Variants in CNNM1 observed in about 807,000 individuals in gnomAD.
The protein encoded by CNNM1 is cyclin and CBS domain divalent metal cation transport mediator 1, also known as metal transporter CNNM1.
A neutral mutation model predicts 78.8 loss-of-function variants in CNNM1; 44 were observed. The observed-to-expected ratio is 0.56, with a 90% CI of 0.44 to 0.72. The LOEUF (loss-of-function observed/expected upper bound fraction) is 0.72, where lower values mean the gene tolerates loss of function less well. Among genes scored for constraint, CNNM1 ranks in the 30% least tolerant of loss-of-function variants. The pLI, the probability that CNNM1 is intolerant of heterozygous loss-of-function variation, is 0.00. For missense variants in CNNM1, 1,101 were observed against 1,292.2 expected, an observed-to-expected ratio of 0.85 and a Z score of 2.27; for synonymous variants, 584 against 581.5, an observed-to-expected ratio of 1.00 and a Z score of -0.06.
In CNNM1 at chr10:99,388,267, C is replaced by T; in HGVS notation, c.2640C>T (p.Leu880=). 6.2e-7 allele frequency: 1 copy of T among 1,613,842 alleles called. No individual in the cohort carries two copies. Among genetic ancestry groups the T allele is most frequent in the Non-Finnish European group, 8.5e-7 (1 of 1,179,850 alleles). ...TCGAGGAGCACAGCACACAGCAGCT[C>T]ACGCTGTCTCCTGCAGCCGTTCCCA... ...TDFEEHSTQQ[L]TLSPAAVPTR... Residue 880 remains leucine (L), a synonymous_variant, in exon 9 of 11, where the codon CTC becomes CTT. Coordinates refer to ENST00000356713, the MANE Select transcript of CNNM1 (RefSeq NM_020348.3).
chr10:99,374,491 C>G (rs982278701), intron 6 of CNNM1, among the ~76,000 whole-genome samples: 1 of 152,194 alleles, frequency 6.6e-6, no homozygotes, highest in African/African-American at 2.4e-5. Flanking sequence ...AGCCACATTT[C>G]TGGAGTGTCT....
intron 6 of CNNM1, among the ~76,000 whole-genome samples, chr10:99,374,754 GAGTA>G (rs1490628690): frequency 6.6e-6 from 1 of 152,166 alleles, no homozygotes; most frequent in Non-Finnish European, 1.5e-5. Context: ...TGTTTTCCTT[GAGTA>G]CCTTCTCTAG....
At chr10:99,383,344 A>G (rs1308718380) in intron 7 of CNNM1, among the ~76,000 whole-genome samples, 2 of 151,972 alleles carry the variant, frequency 1.3e-5, no homozygotes, top group Non-Finnish European at 2.9e-5. Context: ...AACTCAGTGA[A>G]CTCACTGCAA....
rs190091140 is a variant in CNNM1, at chr10:99,349,904, C to T, written c.1574-7608C>T. 3.9e-5 allele frequency among the ~76,000 whole-genome samples: 6 copies of T among 152,240 alleles called. No homozygotes were observed. In the East Asian group the frequency reaches 1.2e-3, roughly 29 times the overall value. ...GTCCCAGCTACTCGGGAGGCTGAGG[C>T]AGGAGAATTGCTTGAACCCGAGAGG... On this transcript the variant is annotated intron_variant, in intron 1 of 10. Transcript: ENST00000356713.
intron 7 of CNNM1, among the ~76,000 whole-genome samples, chr10:99,382,487 G>A (rs376921997): frequency 6.6e-6 from 1 of 152,166 alleles, no homozygotes; most frequent in Non-Finnish European, 1.5e-5. Context: ...AGGAGGCCAG[G>A]TGCAGTGGCT....
chr10:99,366,691 T>G (rs1356849613), intron 6 of CNNM1, among the ~76,000 whole-genome samples: 1 of 151,924 alleles, frequency 6.6e-6, no homozygotes, highest in Non-Finnish European at 1.5e-5. Context: ...CTGAGGCAGG[T>G]GAATCACTTG....
chr10:99,361,025 G>A lies in CNNM1; in HGVS notation c.1858+50G>A, dbSNP rs748902941. On this transcript the variant is annotated intron_variant, in intron 3 of 10. Coordinates refer to ENST00000356713, the MANE Select transcript of CNNM1 (RefSeq NM_020348.3). ...AAGCTAAAACAGAATCTCTAGGGTG[G>A]GACCCAGGCACCAATCGTTGTTAAT... The A allele has an allele frequency of 4.6e-6, 7 of 1,531,162 alleles. 1 individual carries two copies. The highest frequency in any genetic ancestry group is 2.7e-6 in the Non-Finnish European group (3 of 1,130,692). 94.8% of individuals were successfully genotyped at this position (1,531,162 alleles called of 1,614,324 possible). A position where few individuals can be genotyped will look rare whatever the true frequency, so the allele number is the denominator to read the frequency against.
intron 1 of CNNM1, among the ~76,000 whole-genome samples, chr10:99,337,379 C>G (rs1400427533): frequency 6.6e-6 from 1 of 152,218 alleles, no homozygotes; most frequent in Non-Finnish European, 1.5e-5. Context: ...CCCCTCCAGC[C>G]TCATCGCTCA....
intron 2 of CNNM1, among the ~76,000 whole-genome samples, chr10:99,359,935 A>C (rs904482500): frequency 6.0e-5 from 9 of 151,194 alleles, no homozygotes; most frequent in East Asian, 1.9e-4. Flanking sequence ...AAAAAAAAAA[A>C]ACAAAAAAAA....
chr10:99,368,599 T>C, intron 6 of CNNM1: 3 of 1,289,128 alleles, frequency 2.3e-6, no homozygotes, highest in Non-Finnish European at 3.0e-6. Flanking sequence ...TCACAAATCC[T>C]TGGCCCCTGA....
At chr10:99,348,217 A>T (rs1385373605) in intron 1 of CNNM1, among the ~76,000 whole-genome samples, 1 of 151,768 alleles carries the variant, frequency 6.6e-6, no homozygotes, top group Non-Finnish European at 1.5e-5. Context: ...TAAATTTTTT[A>T]AAATTTTTTG....
chr10:99,332,157 A>G (rs1471999982), intron 1 of CNNM1, among the ~76,000 whole-genome samples: 1 of 152,204 alleles, frequency 6.6e-6, no homozygotes, highest in Non-Finnish European at 1.5e-5. Context: ...GTCAACACTG[A>G]GAGCATTCAA....
rs766405339 is a variant in CNNM1 at position 99,330,281 on chromosome 10, T to C, written c.894T>C (p.Ala298=). The change falls in exon 1 of 11, where the codon GCT becomes GCC. Residue 298 remains alanine (A), a synonymous_variant. Transcript: ENST00000356713. The stretch of plus-strand genomic sequence containing the variant: ...AAGCCGGAGCCAACGCGGCCCTGGC[T>C]GGCTGGCTGTACACCTCGCTGCCGC... ...LGQAGANAAL[A]GWLYTSLPPG... is the part of the protein sequence containing the mutation. The C allele has an allele frequency of 6.4e-7, 1 of 1,572,948 alleles. No individual in the cohort carries two copies.
chr10:99,392,437 G>C lies in CNNM1; in HGVS notation c.*921G>C, dbSNP rs987894166. ...GACAAACCAAAGAGTGCCCAGGTCAGCCAAGAAAGATACATAATCTCATGG... is the reference window on the plus strand; with the variant it reads ...GACAAACCAAAGAGTGCCCAGGTCACCCAAGAAAGATACATAATCTCATGG... On this transcript the variant is annotated 3_prime_UTR_variant, in exon 11 of 11. Transcript: ENST00000356713. 5.9e-5 allele frequency: 9 copies of C among 152,760 alleles called. No homozygotes were observed. Among genetic ancestry groups the C allele is most frequent in the African/African-American group, 2.2e-4 (9 of 41,576 alleles). The allele number at this position is 152,760 out of a possible 1,614,324, so 9.5% of individuals were successfully genotyped here.
Position 99,329,629 on chromosome 10 carries a change from C to T in CNNM1, c.242C>T (p.Pro81Leu). 1 of 1,506,834 alleles carries T rather than the reference C, an allele frequency of 6.6e-7. No homozygotes were observed. The highest frequency in any genetic ancestry group is 2.1e-5 in the Admixed American group (1 of 47,276). The allele number at this position is 1,506,834 out of a possible 1,614,324, so 93.3% of individuals were successfully genotyped here. Residue 81 changes from proline to leucine, a missense_variant, in exon 1 of 11, where the codon CCG becomes CTG. Coordinates refer to ENST00000356713, the MANE Select transcript of CNNM1 (RefSeq NM_020348.3). Reference protein sequence around the residue: ...LLRVYFQPGPPATAAPVPSPT... With the variant: ...LLRVYFQPGPLATAAPVPSPT... ...CGTGTCTATTTCCAGCCAGGACCGCCGGCCACCGCCGCACCGGTGCCCTCA... is the reference window on the plus strand; with the variant it reads ...CGTGTCTATTTCCAGCCAGGACCGCTGGCCACCGCCGCACCGGTGCCCTCA...
chr10:99,337,435 GGT>G (rs1261859071), intron 1 of CNNM1, among the ~76,000 whole-genome samples: 1 of 152,176 alleles, frequency 6.6e-6, no homozygotes, highest in Non-Finnish European at 1.5e-5. Context: ...TGAACTCTGT[GGT>G]GCACTGTGCT....
At chr10:99,370,457 A>T (rs534083979) in intron 6 of CNNM1, among the ~76,000 whole-genome samples, 1 of 152,286 alleles carries the variant, frequency 6.6e-6, no homozygotes, top group Admixed American at 6.5e-5. Flanking sequence ...CTCTATCTAG[A>T]GCTAATCACT....
chr10:99,364,038 C>A (rs371594395), intron 4 of CNNM1, among the ~76,000 whole-genome samples: 5 of 152,104 alleles, frequency 3.3e-5, no homozygotes, highest in Non-Finnish European at 5.9e-5. Flanking sequence ...CCACCGCACT[C>A]GGCCTAGATT....
rs1057058688 is a variant in CNNM1 at position 99,390,416 on chromosome 10, C to G, written c.2776+9C>G. The G allele has an allele frequency of 1.9e-6, 3 of 1,600,396 alleles. No homozygotes were observed. In the Admixed American group the frequency reaches 5.1e-5, roughly 27 times the overall value. ...GCTGCTGAGAACCTTGAGTGAGTAG[C>G]TAGTTCTTCACCCAAATGAGAGCCA... On this transcript the variant is annotated intron_variant, in intron 10 of 10. Transcript: ENST00000356713.
Sources: allele counts gnomAD v4.1 joint callset (sites outside exome capture counted in the v4.1 genomes callset), GRCh38; gene constraint gnomAD v4.1.1; transcripts MANE v1.5; gene names NCBI Gene and HGNC (gene_info 2026-07-23, HGNC 2026-07-21).